The following ATP8A2 variants were observed in gnomAD, a reference collection of about 807,000 sequenced individuals.
ATP8A2 encodes the protein ATPase phospholipid transporting 8A2.
Under a neutral mutation model 165.6 loss-of-function variants are expected in ATP8A2, and 100 were observed. That is an observed-to-expected ratio of 0.60 (90% CI 0.51 to 0.71). The LOEUF is 0.71. Among genes scored for constraint, ATP8A2 ranks in the 30% least tolerant of loss-of-function variants. The pLI, the probability that ATP8A2 is intolerant of heterozygous loss-of-function variation, is 0.00. For missense variants in ATP8A2, 1,227 were observed against 1,479.5 expected (o/e 0.83, Z 2.80); for synonymous variants, 543 against 548.8 (o/e 0.99, Z 0.15).
intron 35 of ATP8A2, among the ~76,000 whole-genome samples, chr13:25,969,993 A>G (rs75666019): frequency 6.6e-6 from 1 of 152,010 alleles, no homozygotes; most frequent in African/African-American, 2.4e-5. Flanking sequence ...TTGAGACCTG[A>G]AAAAAAACAT....
intron 24 of ATP8A2, among the ~76,000 whole-genome samples, chr13:25,646,895 A>G (rs1418128171): frequency 6.6e-6 from 1 of 152,032 alleles, no homozygotes; most frequent in Non-Finnish European, 1.5e-5. Context: ...TTCTTTGTCT[A>G]CTATAGATTT....
chr13:25,848,751 C>G (rs903314729), intron 30 of ATP8A2, among the ~76,000 whole-genome samples: 2 of 152,110 alleles, frequency 1.3e-5, no homozygotes, highest in Non-Finnish European at 1.5e-5. Flanking sequence ...AAAGCAACCT[C>G]CGATACTTTA....
intron 2 of ATP8A2, among the ~76,000 whole-genome samples, chr13:25,509,215 A>G (rs142892734): frequency 2.6e-4 from 40 of 152,332 alleles, no homozygotes; most frequent in African/African-American, 9.6e-4. Flanking sequence ...AAATGTGTGG[A>G]GCCAGAAGCT....
At chr13:25,734,529 G>A (rs1300523228) in intron 25 of ATP8A2, among the ~76,000 whole-genome samples, 1 of 152,206 alleles carries the variant, frequency 6.6e-6, no homozygotes, top group Non-Finnish European at 1.5e-5. Flanking sequence ...GTGCTACCCA[G>A]TGGGCAAGTG....
intron 1 of ATP8A2, among the ~76,000 whole-genome samples, chr13:25,448,544 C>T (rs182608196): frequency 2.8e-4 from 42 of 152,302 alleles, no homozygotes; most frequent in South Asian, 2.5e-3. Context: ...GTTTTGTCTA[C>T]GGTCTCATGA....
chr13:25,417,094 A>G (rs2034153772), intron 1 of ATP8A2, among the ~76,000 whole-genome samples: 1 of 151,982 alleles, frequency 6.6e-6, no homozygotes, highest in African/African-American at 2.4e-5. Flanking sequence ...TTAATTATGA[A>G]GTATTGAGGT....
rs3056187 is a variant in ATP8A2 at position 25,912,155 on chromosome 13, G to GACAC, written c.3184-49382_3184-49379dup. On this transcript the variant is annotated intron_variant, in intron 33 of 36. Transcript: ENST00000381655. ...GGATGAATGGATAAAGAAAATGTGA[G>GACAC]ACACACACACACACACACACACACA... 3.3e-3 allele frequency among the ~76,000 whole-genome samples: 472 copies of GACAC among 141,230 alleles called. 1 individual carries two copies. The highest frequency in any genetic ancestry group is 4.9e-3 in the South Asian group (21 of 4,310). 92.7% of individuals were successfully genotyped at this position (141,230 alleles called of 152,430 possible).
chr13:25,544,589 T>G (rs184776638), intron 10 of ATP8A2, among the ~76,000 whole-genome samples: 128 of 152,244 alleles, frequency 8.4e-4, no homozygotes, highest in African/African-American at 2.8e-3. Context: ...GATCAGTGGG[T>G]AGAATCTTGT....
At chr13:25,618,145 C>A (rs1317830074) in intron 24 of ATP8A2, among the ~76,000 whole-genome samples, 1 of 152,106 alleles carries the variant, frequency 6.6e-6, no homozygotes, top group Non-Finnish European at 1.5e-5. Context: ...GGTTTGCTTT[C>A]TTTTGGTACA....
At chr13:25,980,965 T>A (rs1236520690) in intron 35 of ATP8A2, among the ~76,000 whole-genome samples, 1 of 152,246 alleles carries the variant, frequency 6.6e-6, no homozygotes, top group Non-Finnish European at 1.5e-5. Flanking sequence ...ATTTATGATA[T>A]GTGTTCAAAT....
rs1301870133 is a variant in ATP8A2 at position 25,892,391 on chromosome 13, G to A, written c.3183+29983G>A. On this transcript the variant is annotated intron_variant, in intron 33 of 36. Transcript: ENST00000381655. Reference sequence around the variant, plus strand: ...TGAGACATTCAATTTGGCTTTATGGGTGGAATTTACTTGATGCCTGTGAAA... The same window carrying A: ...TGAGACATTCAATTTGGCTTTATGGATGGAATTTACTTGATGCCTGTGAAA... 2.6e-5 allele frequency among the ~76,000 whole-genome samples: 4 copies of A among 151,986 alleles called. No individual in the cohort carries two copies. The East Asian group carries it at 7.7e-4, about 29-fold the overall frequency.
intron 6 of ATP8A2, among the ~76,000 whole-genome samples, chr13:25,533,993 C>T (rs2038198853): frequency 6.6e-6 from 1 of 152,056 alleles, no homozygotes; most frequent in South Asian, 2.1e-4. Flanking sequence ...CATTCAAAGC[C>T]GATTAACATG....
At chr13:25,414,485 C>T (rs1265915902) in intron 1 of ATP8A2, among the ~76,000 whole-genome samples, 1 of 152,162 alleles carries the variant, frequency 6.6e-6, no homozygotes, top group Admixed American at 6.5e-5. Context: ...AGCCACCGTG[C>T]CCAGCTGGGC....
At chr13:25,962,442 G>C (rs1256780000) in intron 34 of ATP8A2, among the ~76,000 whole-genome samples, 1 of 152,098 alleles carries the variant, frequency 6.6e-6, no homozygotes, top group Non-Finnish European at 1.5e-5. Context: ...ATTAAATTTT[G>C]CTTTTATGTT....
At chr13:25,699,422 A>AGGCTGTGCACAGTTCACACTCTGCTG in intron 25 of ATP8A2, 77 bp downstream of exon 25, 1 of 1,144,806 alleles carries the variant, frequency 8.7e-7, no homozygotes, top group Non-Finnish European at 1.2e-6. Context: ...AAAGGGATGC[A>AGGCTGTGCACAGTTCACACTCTGCTG]TGGGAATTCT....
At chr13:25,839,512 C>A (rs751368791) in intron 29 of ATP8A2, 34 bp from the exon 30 acceptor site, 2 of 1,546,242 alleles carry the variant, frequency 1.3e-6, no homozygotes, top group South Asian at 2.2e-5. Context: ...GCGTTTTGGG[C>A]AGCTCCTGAC....
At chr13:25,961,534 A>G (rs746698083) in intron 33 of ATP8A2, 41 bp from the exon 34 acceptor site, 2 of 1,462,750 alleles carry the variant, frequency 1.4e-6, no homozygotes, top group South Asian at 1.1e-5. Flanking sequence ...TGTTTTTGAA[A>G]GAGAAAGTAT....
At chr13:25,656,131 G>A (rs2041921810) in intron 24 of ATP8A2, among the ~76,000 whole-genome samples, 1 of 152,206 alleles carries the variant, frequency 6.6e-6, no homozygotes, top group East Asian at 1.9e-4. Flanking sequence ...GTAAAATATG[G>A]ACACCATCAG....
rs564987391 is a variant in ATP8A2, at chr13:25,479,061, TG to T, written c.221+9942del. ...CGGGGTTTCACCATTTTGGCCAGGA[TG>T]GTATCGATCTCCTGACCCCATGATC... On this transcript the variant is annotated intron_variant, in intron 2 of 36. Transcript: ENST00000381655. Among the ~76,000 whole-genome samples the T allele has an allele frequency of 1.0e-3, 156 of 152,234 alleles. 1 individual carries two copies. The highest frequency in any genetic ancestry group is 3.7e-3 in the African/African-American group (154 of 41,552).
Sources: gnomAD v4.1 joint callset for allele counts (sites outside exome capture counted in the v4.1 genomes callset) on GRCh38, gnomAD v4.1.1 for gene constraint, MANE v1.5 for transcripts, NCBI Gene and HGNC (gene_info 2026-07-23, HGNC 2026-07-21) for gene names.